Variants in DCAF8L2 observed in about 807,000 individuals in gnomAD.
DCAF8L2 encodes DDB1 and CUL4 associated factor 8 like 2, also known as DDB1- and CUL4-associated factor 8-like protein 2.
For synonymous variants in DCAF8L2, 200 were observed against 190.9 expected, an observed-to-expected ratio of 1.05 and a Z score of -0.39; for missense variants, 430 against 490.7, an observed-to-expected ratio of 0.88 and a Z score of 1.17.
At chrX:27,573,260 A>T in the DCAF8L2 span, among the ~76,000 whole-genome samples, 148 of 63,362 alleles carry the variant, frequency 2.3e-3, no homozygotes, top group South Asian at 0.011. Flanking sequence ...TCTCTCACAC[A>T]CACACACACA....
chrX:27,661,600 G>A (rs1248199868), intron 2 of DCAF8L2, among the ~76,000 whole-genome samples: 5 of 111,330 alleles, frequency 4.5e-5, no homozygotes, highest in African/African-American at 1.6e-4. Flanking sequence ...TTAACTTAAT[G>A]TTATCTAAGT....
chrX:27,523,223 A>G, the DCAF8L2 span, among the ~76,000 whole-genome samples: 13 of 112,066 alleles, frequency 1.2e-4, no homozygotes, highest in Non-Finnish European at 2.4e-4. Flanking sequence ...CTAAGACTTA[A>G]TGGCATCAGA....
chrX:27,475,194 A>G, the DCAF8L2 span, among the ~76,000 whole-genome samples: 2 of 111,475 alleles, frequency 1.8e-5, no homozygotes, highest in Non-Finnish European at 3.8e-5. Flanking sequence ...TGCTGAGGAC[A>G]CTAGGATTAT....
At chrX:27,618,289 A>C (rs571738309) in intron 1 of DCAF8L2, among the ~76,000 whole-genome samples, 1 of 111,730 alleles carries the variant, frequency 9.0e-6, no homozygotes, top group South Asian at 3.7e-4. Flanking sequence ...AGAAATAATT[A>C]GACAACATAA....
the DCAF8L2 span, among the ~76,000 whole-genome samples, chrX:27,564,114 G>T: frequency 2.4e-4 from 27 of 111,785 alleles, no homozygotes; most frequent in South Asian, 7.5e-4. Flanking sequence ...GTTCAGCATG[G>T]CTGCGGAGGC....
At chrX:27,701,709 G>A (rs1042972825) in intron 3 of DCAF8L2, among the ~76,000 whole-genome samples, 2 of 110,835 alleles carry the variant, frequency 1.8e-5, no homozygotes, top group Non-Finnish European at 3.8e-5. Flanking sequence ...CCAAAGAAAA[G>A]CTATAAGTAG....
At chrX:27,641,982 G>A (rs899358139) in intron 2 of DCAF8L2, among the ~76,000 whole-genome samples, 8 of 109,354 alleles carry the variant, frequency 7.3e-5, no homozygotes, top group African/African-American at 2.3e-4. Context: ...TCTGCCTCCC[G>A]GATTCACGCC....
At chrX:27,707,355 G>A (rs1931378614) in intron 3 of DCAF8L2, among the ~76,000 whole-genome samples, 1 of 111,763 alleles carries the variant, frequency 8.9e-6, no homozygotes. Flanking sequence ...CCTGATATCT[G>A]AAACTGACTT....
chrX:27,513,574 G>A, the DCAF8L2 span, among the ~76,000 whole-genome samples: 13 of 109,341 alleles, frequency 1.2e-4, no homozygotes, highest in African/African-American at 2.3e-4. Flanking sequence ...GCGTGGTGGC[G>A]TGCGCCTGTA....
At chrX:27,500,940 G>A in the DCAF8L2 span, among the ~76,000 whole-genome samples, 3 of 111,353 alleles carry the variant, frequency 2.7e-5, no homozygotes, top group African/African-American at 9.8e-5. Context: ...AAATGGGAGA[G>A]GAACGACGGC....
At chrX:27,565,582 TTC>T in the DCAF8L2 span, among the ~76,000 whole-genome samples, 41 of 111,895 alleles carry the variant, frequency 3.7e-4, no homozygotes, top group African/African-American at 1.3e-3. Context: ...TTTGGAATTA[TTC>T]TCATTTTTCT....
intron 1 of DCAF8L2, among the ~76,000 whole-genome samples, chrX:27,608,323 T>C (rs1927001713): frequency 8.9e-6 from 1 of 112,035 alleles, no homozygotes; most frequent in African/African-American, 3.2e-5. Context: ...TAGGGAATGT[T>C]ACTAAAATGT....
chrX:27,492,391 C>T, the DCAF8L2 span, among the ~76,000 whole-genome samples: 4 of 111,591 alleles, frequency 3.6e-5, no homozygotes, highest in East Asian at 2.8e-4. Flanking sequence ...ATGTTTGGGT[C>T]GACCTAAGTT....
At chrX:27,578,530 T>C in the DCAF8L2 span, among the ~76,000 whole-genome samples, 1 of 111,444 alleles carries the variant, frequency 9.0e-6, no homozygotes, top group East Asian at 2.8e-4. Flanking sequence ...CAAAAGCAAT[T>C]GCAAGAAAAG....
At chrX:27,616,777 G>C (rs1292674133) in intron 1 of DCAF8L2, among the ~76,000 whole-genome samples, 4 of 111,124 alleles carry the variant, frequency 3.6e-5, no homozygotes, top group Non-Finnish European at 7.6e-5. Flanking sequence ...AATTGTCCTA[G>C]GGAAAACGGA....
the DCAF8L2 span, among the ~76,000 whole-genome samples, chrX:27,514,280 T>C: frequency 2.4e-5 from 1 of 42,481 alleles, no homozygotes; most frequent in Admixed American, 3.6e-4. Context: ...TGCACATATG[T>C]ACATATGTGT....
chrX:27,520,729 T>C, the DCAF8L2 span, among the ~76,000 whole-genome samples: 1 of 112,048 alleles, frequency 8.9e-6, no homozygotes, highest in Non-Finnish European at 1.9e-5. Context: ...CTTGCCCTGA[T>C]AAAGTTAGAT....
rs1238838851 is a variant in DCAF8L2, at chrX:27,688,492, C to T, written c.-143+10580C>T. 3.6e-5 allele frequency among the ~76,000 whole-genome samples: 4 copies of T among 111,525 alleles called. No homozygotes were observed. In the East Asian group the frequency reaches 8.5e-4, roughly 24 times the overall value. On this transcript the variant is annotated intron_variant, in intron 3 of 4. Coordinates refer to ENST00000451261, the MANE Select transcript of DCAF8L2 (RefSeq NM_001353450.2). ...ATACAATGGAAATAATAATGTACAA[C>T]CCAAAAGGACAACTATGAGTATCAA...
rs747363358 is a variant in DCAF8L2 at position 27,748,103 on chromosome X, A to G, written c.1208A>G (p.Glu403Gly). Reference sequence around the variant, plus strand: ...GACCAGAGGAAAATTGATAAGAAAGAAAACAATGGCGTGCTCAAGAAATTC... The same window carrying G: ...GACCAGAGGAAAATTGATAAGAAAGGAAACAATGGCGTGCTCAAGAAATTC... ...IYDQRKIDKK[E>G]NNGVLKKFTP... The change falls in exon 5 of 5, where the codon GAA becomes GGA. Residue 403 changes from glutamate to glycine, a missense_variant. Physicochemically the swap from Glu to Gly is moderately conservative, Grantham distance 98. Coordinates refer to ENST00000451261, the MANE Select transcript of DCAF8L2 (RefSeq NM_001353450.2). The G allele has an allele frequency of 8.3e-7, 1 of 1,211,939 alleles. No individual in the cohort carries two copies. The highest frequency in any genetic ancestry group is 1.8e-5 in the South Asian group (1 of 56,978).
Sources: gnomAD v4.1 joint callset for allele counts (sites outside exome capture counted in the v4.1 genomes callset) on GRCh38, gnomAD v4.1.1 for gene constraint, MANE v1.5 for transcripts, NCBI Gene and HGNC (gene_info 2026-07-23, HGNC 2026-07-21) for gene names.